RUNDC3B: variants seen among roughly 807,000 people sequenced by gnomAD.
RUNDC3B encodes the protein RUN domain containing 3B, also known as RUN domain-containing protein 3B.
A neutral mutation model predicts 58.4 loss-of-function variants in RUNDC3B; 33 were observed. That is an observed-to-expected ratio of 0.56 (90% CI 0.43 to 0.75). RUNDC3B has a LOEUF of 0.75. RUNDC3B is among the 30% of genes least tolerant of loss of function. RUNDC3B has a pLI of 0.00. For missense variants in RUNDC3B, 501 were observed against 535.7 expected (o/e 0.94, Z 0.64); for synonymous variants, 193 against 195.2 (o/e 0.99, Z 0.10).
intron 3 of RUNDC3B, among the ~76,000 whole-genome samples, chr7:87,705,678 A>C (rs1191668630): frequency 6.6e-6 from 1 of 152,194 alleles, no homozygotes; most frequent in Non-Finnish European, 1.5e-5. Flanking sequence ...CACTAGAATC[A>C]GCACTCTTAG....
chr7:87,706,521 A>G (rs1205678239), intron 3 of RUNDC3B, among the ~76,000 whole-genome samples: 1 of 152,210 alleles, frequency 6.6e-6, no homozygotes, highest in Admixed American at 6.5e-5. Flanking sequence ...TAAAAGTTGA[A>G]TAAAATATGT....
At chr7:87,726,798 T>G (rs988406818) in intron 4 of RUNDC3B, among the ~76,000 whole-genome samples, 1 of 152,212 alleles carries the variant, frequency 6.6e-6, no homozygotes, top group African/African-American at 2.4e-5. Flanking sequence ...GAAGAGGTCC[T>G]TCACATCCCT....
chr7:87,718,844 T>C (rs1282447973), intron 4 of RUNDC3B, among the ~76,000 whole-genome samples: 1 of 152,102 alleles, frequency 6.6e-6, no homozygotes, highest in Non-Finnish European at 1.5e-5. Flanking sequence ...TTCAACTTAA[T>C]AGTAGAGGTT....
In RUNDC3B at chr7:87,770,725, G is replaced by C. The variant is rs147737258; in HGVS notation, c.774G>C (p.Lys258Asn). 1.9e-6 allele frequency: 3 copies of C among 1,612,470 alleles called. No individual in the cohort carries two copies. The African/African-American group carries it at 4.0e-5, about 22-fold the overall frequency. ...ACAAGTGTAAGAGAGTTAAACAAAA[G>C]TATCAGCTTACCCTGGAACAGAAGG... Reference protein sequence around the residue: ...WFNKCKRVKQKYQLTLEQKGY... With the variant: ...WFNKCKRVKQNYQLTLEQKGY... Residue 258 changes from lysine to asparagine, a missense_variant, in exon 7 of 11, where the codon AAG (lysine) becomes AAC (asparagine). Transcript: ENST00000394654.
At chr7:87,812,033 A>G (rs923271414) in intron 9 of RUNDC3B, among the ~76,000 whole-genome samples, 46 of 152,326 alleles carry the variant, frequency 3.0e-4, no homozygotes, top group African/African-American at 1.0e-3. Flanking sequence ...CTGTTGCCCA[A>G]TGACTACTGG....
chr7:87,666,584 A>G (rs891534762), intron 2 of RUNDC3B, among the ~76,000 whole-genome samples: 1 of 151,792 alleles, frequency 6.6e-6, no homozygotes, highest in Non-Finnish European at 1.5e-5. Context: ...CCAGGATGGT[A>G]TTTCCTATGT....
At chr7:87,761,147 C>T (rs906149956) in intron 6 of RUNDC3B, among the ~76,000 whole-genome samples, 4 of 151,730 alleles carry the variant, frequency 2.6e-5, no homozygotes, top group Non-Finnish European at 5.9e-5. Flanking sequence ...ATAAACAACC[C>T]GATTTTAAAA....
At chr7:87,652,762 C>CTT (rs1279467153) in intron 2 of RUNDC3B, among the ~76,000 whole-genome samples, 2 of 151,274 alleles carry the variant, frequency 1.3e-5, no homozygotes, top group Non-Finnish European at 2.9e-5. Context: ...TAGCAAATTG[C>CTT]TTTTACTTTT....
intron 2 of RUNDC3B, among the ~76,000 whole-genome samples, chr7:87,662,400 A>G (rs539505009): frequency 2.0e-5 from 3 of 152,102 alleles, no homozygotes; most frequent in African/African-American, 7.2e-5. Flanking sequence ...AGATTTCAGT[A>G]TTTAATCCAT....
intron 6 of RUNDC3B, among the ~76,000 whole-genome samples, chr7:87,764,017 T>C (rs1233199383): frequency 6.6e-6 from 1 of 151,858 alleles, no homozygotes; most frequent in Non-Finnish European, 1.5e-5. Context: ...ATTTCTGACC[T>C]TGATTTCTTT....
Position 87,721,208 on chromosome 7 carries a change from ATACTC to A in RUNDC3B, c.458+10556_458+10560del, listed in dbSNP as rs549212362. Among the ~76,000 whole-genome samples, 240 of 151,950 alleles carry A rather than the reference ATACTC, an allele frequency of 1.6e-3. 1 individual carries two copies. Among genetic ancestry groups the A allele is most frequent in the Admixed American group, 2.4e-3 (37 of 15,274 alleles). On this transcript the variant is annotated intron_variant, in intron 4 of 10. Transcript: ENST00000394654. ...GGTAAAATAAAAGTATAAAAAAACT[ATACTC>A]TATGTTGTGTTTAAAAATGGGAGGA...
chr7:87,814,109 T>C, intron 9 of RUNDC3B, among the ~76,000 whole-genome samples: 1 of 151,292 alleles, frequency 6.6e-6, no homozygotes, highest in Admixed American at 6.6e-5. Context: ...TCCTTTTTTT[T>C]TTTTTTTTGA....
At chr7:87,657,416 C>A (rs1824216379) in intron 2 of RUNDC3B, among the ~76,000 whole-genome samples, 1 of 152,152 alleles carries the variant, frequency 6.6e-6, no homozygotes, top group Non-Finnish European at 1.5e-5. Flanking sequence ...CACAAAAAAA[C>A]CGTAGTACCA....
chr7:87,639,369 G>C (rs922682892), intron 1 of RUNDC3B, among the ~76,000 whole-genome samples: 2 of 152,074 alleles, frequency 1.3e-5, no homozygotes, highest in Non-Finnish European at 2.9e-5. Flanking sequence ...TGTGTATTCT[G>C]TCATTGTTGA....
intron 1 of RUNDC3B, among the ~76,000 whole-genome samples, chr7:87,631,562 TTG>T (rs1208033413): frequency 6.6e-6 from 1 of 152,118 alleles, no homozygotes; most frequent in African/African-American, 2.4e-5. Context: ...GGCTAATTTT[TTG>T]TGTTTTGTTT....
intron 2 of RUNDC3B, among the ~76,000 whole-genome samples, chr7:87,680,521 G>C (rs770596553): frequency 6.6e-6 from 1 of 150,810 alleles, no homozygotes; most frequent in African/African-American, 2.5e-5. Flanking sequence ...GGCCGGGCCC[G>C]GTGGCTCACG....
intron 4 of RUNDC3B, among the ~76,000 whole-genome samples, chr7:87,721,849 T>A (rs1830915040): frequency 6.6e-6 from 1 of 151,906 alleles, no homozygotes; most frequent in African/African-American, 2.4e-5. Context: ...TGCTTGAACT[T>A]TTGGAATATT....
intron 6 of RUNDC3B, among the ~76,000 whole-genome samples, chr7:87,743,484 T>C (rs1025817923): frequency 6.6e-6 from 1 of 152,180 alleles, no homozygotes; most frequent in African/African-American, 2.4e-5. Flanking sequence ...ATCTACTGTT[T>C]TTTGATTTTT....
intron 2 of RUNDC3B, among the ~76,000 whole-genome samples, chr7:87,660,533 T>A (rs1824588763): frequency 6.6e-6 from 1 of 152,036 alleles, no homozygotes; most frequent in Non-Finnish European, 1.5e-5. Flanking sequence ...GATCGTTAGT[T>A]CCTTTTTCTT....
Sources: allele counts gnomAD v4.1 joint callset (sites outside exome capture counted in the v4.1 genomes callset), GRCh38; gene constraint gnomAD v4.1.1; transcripts MANE v1.5; gene names NCBI Gene and HGNC (gene_info 2026-07-23, HGNC 2026-07-21).